ADAT1: variants seen among roughly 807,000 people sequenced by gnomAD.
ADAT1 encodes tRNA-specific adenosine deaminase 1.
A neutral mutation model predicts 58.6 loss-of-function variants in ADAT1; 58 were observed. The ratio of observed to expected loss-of-function variants is 0.99; its 90% CI spans 0.80 to 1.23. The LOEUF (loss-of-function observed/expected upper bound fraction) is 1.23, where lower values mean the gene tolerates loss of function less well. Ranked by LOEUF, ADAT1 falls within the 50% of genes most tolerant of loss-of-function variation. The pLI, the probability that ADAT1 is intolerant of heterozygous loss-of-function variation, is 0.00. For synonymous variants in ADAT1, 254 were observed against 220.8 expected, an observed-to-expected ratio of 1.15 and a Z score of -1.33; for missense variants, 741 against 608.6, an observed-to-expected ratio of 1.22 and a Z score of -2.29.
rs1433239019 is a variant in ADAT1, at chr16:75,596,993, T to A, written c.*3223A>T. ...AAGACCACATATTCTATGATTCCATTTATATGAAATGTTCAGAATAGACAA... is the reference window on the plus strand; with the variant it reads ...AAGACCACATATTCTATGATTCCATATATATGAAATGTTCAGAATAGACAA... On this transcript the variant is annotated 3_prime_UTR_variant, in exon 10 of 10. Transcript: ENST00000564657. 1 of 152,404 alleles carries A rather than the reference T, an allele frequency of 6.6e-6. No homozygotes were observed. The highest frequency in any genetic ancestry group is 2.4e-5 in the African/African-American group (1 of 41,424). The allele number at this position is 152,404 out of a possible 1,614,324, so 9.4% of individuals were successfully genotyped here.
rs199704554 is a variant in ADAT1 at position 75,604,518 on chromosome 16, CATAT to C, written c.1290-1351_1290-1348del. Among the ~76,000 whole-genome samples the C allele has an allele frequency of 3.1e-3, 342 of 111,772 alleles. 2 individuals are homozygous for C. Among genetic ancestry groups the C allele is most frequent in the East Asian group, 0.021 (75 of 3,618 alleles). 73.3% of individuals were successfully genotyped at this position (111,772 alleles called of 152,430 possible). ...ACACACACACACACACACACACACA[CATAT>C]ATACATATATATAATTATGGGGAAA... On this transcript the variant is annotated intron_variant, in intron 8 of 9. Transcript: ENST00000564657.
chr16:75,613,164 ACT>A (rs1329964677), intron 5 of ADAT1, among the ~76,000 whole-genome samples: 2 of 152,058 alleles, frequency 1.3e-5, no homozygotes, highest in Non-Finnish European at 1.5e-5. Context: ...CTTGTTGAAG[ACT>A]CTATCCTGGA....
At position 75,622,450 on chromosome 16, in the gene ADAT1, C is replaced by T. The variant is rs745467023; in HGVS notation, c.-69G>A. ...ACAAGGCAGTATAGTTTATGAAGAC[C>T]ACCTGGCCATCGACCTGAAATTAAA... On this transcript the variant is annotated 5_prime_UTR_variant, in exon 1 of 10. It introduces an in-frame stop codon into an upstream open reading frame of the 5' UTR. Transcript: ENST00000564657. The T allele has an allele frequency of 1.3e-5, 2 of 152,088 alleles. No individual in the cohort carries two copies. Among genetic ancestry groups the T allele is most frequent in the Non-Finnish European group, 2.9e-5 (2 of 68,016 alleles). The allele number at this position is 152,088 out of a possible 1,614,324, so 9.4% of individuals were successfully genotyped here.
At chr16:75,607,529 G>C (rs1041683078) in intron 8 of ADAT1, among the ~76,000 whole-genome samples, 2 of 150,636 alleles carry the variant, frequency 1.3e-5, no homozygotes, top group Admixed American at 6.6e-5. Context: ...ACTGTAATGA[G>C]ATACCATTTC....
chr16:75,603,117 T>A lies in ADAT1; in HGVS notation c.1344A>T (p.Arg448Ser). ...AGTGTGGCCACTTGTCCCTTGCAAT[T>A]CTGCTTAGCAGCTTCTGGAATGATC... ...LFRSFQKLLS[R>S]IARDKWPHSL... The change falls in exon 9 of 10, where the codon AGA becomes AGT. Residue 448 changes from arginine to serine, a missense_variant. Coordinates refer to ENST00000564657, the MANE Select transcript of ADAT1 (RefSeq NM_001324445.2). 1 of 1,614,144 alleles carries A rather than the reference T, an allele frequency of 6.2e-7. No individual in the cohort carries two copies. Among genetic ancestry groups the A allele is most frequent in the Non-Finnish European group, 8.5e-7 (1 of 1,179,980 alleles).
At chr16:75,611,470 C>T (rs1474977523) in intron 6 of ADAT1, among the ~76,000 whole-genome samples, 1 of 152,064 alleles carries the variant, frequency 6.6e-6, no homozygotes, top group East Asian at 1.9e-4. Flanking sequence ...ACTGCAGCCT[C>T]AATCTTCCCA....
rs539842437 is a variant in ADAT1, at chr16:75,597,411, G to C, written c.*2805C>G. 1.8e-5 allele frequency: 8 copies of C among 451,098 alleles called. No homozygotes were observed. The highest frequency in any genetic ancestry group is 1.3e-4 in the South Asian group (8 of 63,268). 27.9% of individuals were successfully genotyped at this position (451,098 alleles called of 1,614,324 possible). On this transcript the variant is annotated 3_prime_UTR_variant, in exon 10 of 10. Coordinates refer to ENST00000564657, the MANE Select transcript of ADAT1 (RefSeq NM_001324445.2). ...GAAGCTAAGGAGGAAGCATGAAAGAGTCTTCTTCAGAGCAGCAGTCCCCAA... is the reference window on the plus strand; with the variant it reads ...GAAGCTAAGGAGGAAGCATGAAAGACTCTTCTTCAGAGCAGCAGTCCCCAA...
At chr16:75,617,339 G>A in intron 4 of ADAT1, 67 bp from the exon 5 acceptor site, 1 of 1,558,240 alleles carries the variant, frequency 6.4e-7, no homozygotes, top group South Asian at 1.2e-5. Flanking sequence ...GCCTCTGGTT[G>A]GGTGATTACT....
intron 8 of ADAT1, among the ~76,000 whole-genome samples, chr16:75,605,751 C>A (rs2081350917): frequency 6.6e-6 from 1 of 151,638 alleles, no homozygotes; most frequent in Non-Finnish European, 1.5e-5. Context: ...GCCTGCCCAA[C>A]ATGGCAAAAT....
chr16:75,608,850 A>G lies in ADAT1; in HGVS notation c.1182T>C (p.Cys394=). ...RADSPGRLVP[C]GAAISWSAVP... ...CTAACCTGGATCTCTTACCTGCCCCACAAGGAACAAGTCGACCTGGGCTAT... is the reference window on the plus strand; with the variant it reads ...CTAACCTGGATCTCTTACCTGCCCCGCAAGGAACAAGTCGACCTGGGCTAT... Residue 394 remains cysteine, a synonymous_variant, in exon 7 of 10, where the codon TGT becomes TGC. Coordinates refer to ENST00000564657, the MANE Select transcript of ADAT1 (RefSeq NM_001324445.2). 1 of 1,613,584 alleles carries G rather than the reference A, an allele frequency of 6.2e-7. No homozygotes were observed. Among genetic ancestry groups the G allele is most frequent in the Non-Finnish European group, 8.5e-7 (1 of 1,179,864 alleles).
At chr16:75,620,141 G>T in intron 3 of ADAT1, 125 bp downstream of exon 3, 1 of 906,300 alleles carries the variant, frequency 1.1e-6, no homozygotes, top group Non-Finnish European at 1.8e-6. Context: ...CAACTGGACT[G>T]ATAGTCAGTA....
At position 75,598,816 on chromosome 16, in the gene ADAT1, G is replaced by T; in HGVS notation, c.*1400C>A. On this transcript the variant is annotated 3_prime_UTR_variant, in exon 10 of 10. Coordinates refer to ENST00000564657, the MANE Select transcript of ADAT1 (RefSeq NM_001324445.2). ...TTACAGGCGTAAGCCACCGTGCCCG[G>T]CCTAAAAACTTTTAAAATGTATACT... is the stretch of plus-strand genomic sequence containing the variant. 1 of 884,236 alleles carries T rather than the reference G, an allele frequency of 1.1e-6. No homozygotes were observed. The highest frequency in any genetic ancestry group is 1.4e-6 in the Non-Finnish European group (1 of 737,744). 54.8% of individuals were successfully genotyped at this position (884,236 alleles called of 1,614,324 possible).
chr16:75,618,936 C>T (rs2081837970), intron 3 of ADAT1, among the ~76,000 whole-genome samples: 2 of 152,190 alleles, frequency 1.3e-5, no homozygotes. Context: ...ATGACACTAG[C>T]ACCCCTCCCT....
intron 8 of ADAT1, among the ~76,000 whole-genome samples, chr16:75,605,637 T>TA (rs888243269): frequency 3.3e-5 from 5 of 151,782 alleles, no homozygotes; most frequent in East Asian, 3.9e-4. Context: ...GATCTACATT[T>TA]AAAAAATCCC....
intron 6 of ADAT1, 126 bp downstream of exon 6, chr16:75,612,117 T>C: frequency 8.8e-7 from 1 of 1,140,244 alleles, no homozygotes; most frequent in Non-Finnish European, 1.2e-6. Flanking sequence ...ATTATTTCCT[T>C]AAGACAAATT....
rs1180468808 is a variant in ADAT1 at position 75,615,471 on chromosome 16, T to C, written c.424+1671A>G. Among the ~76,000 whole-genome samples the C allele has an allele frequency of 9.7e-5, 8 of 82,196 alleles. No individual in the cohort carries two copies. The East Asian group carries it at 1.5e-3, about 15-fold the overall frequency. 53.9% of individuals were successfully genotyped at this position (82,196 alleles called of 152,430 possible). On this transcript the variant is annotated intron_variant, in intron 5 of 9. Coordinates refer to ENST00000564657, the MANE Select transcript of ADAT1 (RefSeq NM_001324445.2). Reference sequence around the variant, plus strand: ...CAAAATACACGAACGCAAACGATAGTTGATGAGCTAAAAAAAAAAAAAAAA... The same window carrying C: ...CAAAATACACGAACGCAAACGATAGCTGATGAGCTAAAAAAAAAAAAAAAA...
chr16:75,607,849 T>C (rs1238616570), intron 8 of ADAT1, among the ~76,000 whole-genome samples: 1 of 152,180 alleles, frequency 6.6e-6, no homozygotes, highest in Non-Finnish European at 1.5e-5. Context: ...CGTCCATTCA[T>C]GAACGAATGG....
In ADAT1 at chr16:75,600,114, G is replaced by T; in HGVS notation, c.*102C>A. ...ACAACAGAGATGCAAAGCTCAGAAA[G>T]AATGTTCCCTGATTTAACTACCAAA... is the stretch of plus-strand genomic sequence containing the variant. On this transcript the variant is annotated 3_prime_UTR_variant, in exon 10 of 10. Coordinates refer to ENST00000564657, the MANE Select transcript of ADAT1 (RefSeq NM_001324445.2). 1 of 1,549,444 alleles carries T rather than the reference G, an allele frequency of 6.5e-7. No individual in the cohort carries two copies. The highest frequency in any genetic ancestry group is 1.9e-5 in the Admixed American group (1 of 52,500).
Position 75,612,443 on chromosome 16 carries a change from C to T in ADAT1, c.843G>A (p.Val281=). The stretch of plus-strand genomic sequence containing the variant: ...GGCCTGGCTTCACTCGGAGCAGCCC[C>T]ACCTGGTGAAACGCAGCACCCGGCT... The part of the protein sequence containing the change: ...SGKPGAAFHQ[V]GLLRVKPGRG... The change falls in exon 6 of 10, where the codon GTG becomes GTA. Residue 281 remains valine, a synonymous_variant. Transcript: ENST00000564657. 1.2e-6 allele frequency: 2 copies of T among 1,614,254 alleles called. No individual in the cohort carries two copies. The highest frequency in any genetic ancestry group is 1.7e-6 in the Non-Finnish European group (2 of 1,180,048).
Sources: gnomAD v4.1 joint callset for allele counts (sites outside exome capture counted in the v4.1 genomes callset) on GRCh38, gnomAD v4.1.1 for gene constraint, MANE v1.5 for transcripts, NCBI Gene and HGNC (gene_info 2026-07-23, HGNC 2026-07-21) for gene names.